The following ATAD2B variants were observed in gnomAD, a reference collection of about 807,000 sequenced individuals.
ATAD2B encodes the protein ATPase family AAA domain containing 2B, also known as ATPase family AAA domain-containing protein 2B.
Under a neutral mutation model 167.6 loss-of-function variants are expected in ATAD2B, and 40 were observed. The observed-to-expected ratio is 0.24, with a 90% CI of 0.19 to 0.31. The LOEUF (loss-of-function observed/expected upper bound fraction) is 0.31. ATAD2B is among the 10% of genes least tolerant of loss of function. The pLI is 1.00. For synonymous variants in ATAD2B, 579 were observed against 596.5 expected, an observed-to-expected ratio of 0.97 and a Z score of 0.43; for missense variants, 1,242 against 1,757.2, an observed-to-expected ratio of 0.71 and a Z score of 5.24.
At chr2:23,786,804 C>T (rs567890674) in intron 20 of ATAD2B, among the ~76,000 whole-genome samples, 6 of 152,092 alleles carry the variant, frequency 3.9e-5, no homozygotes, top group African/African-American at 7.2e-5. Flanking sequence ...ATATAACTTA[C>T]GAGAAATAGT....
Position 23,835,606 on chromosome 2 carries a change from T to C in ATAD2B, c.1569-1528A>G, listed in dbSNP as rs112465495. ...CTGTAGTGATGGTTACACAACTTTG[T>C]AAATATACTGAAAGTCACTGAACTA... On this transcript the variant is annotated intron_variant, in intron 13 of 27. Transcript: ENST00000238789. Among the ~76,000 whole-genome samples, 124 of 152,316 alleles carry C rather than the reference T, an allele frequency of 8.1e-4. 1 individual carries two copies. The highest frequency in any genetic ancestry group is 1.7e-3 in the Non-Finnish European group (117 of 68,022).
the ATAD2B span, among the ~76,000 whole-genome samples, chr2:23,737,807 A>G: frequency 6.6e-6 from 1 of 152,176 alleles, no homozygotes; most frequent in African/African-American, 2.4e-5. Context: ...TTGAAAAAAA[A>G]TTAGATGAAT....
intron 22 of ATAD2B, among the ~76,000 whole-genome samples, chr2:23,768,324 A>G (rs561017243): frequency 2.0e-5 from 3 of 152,220 alleles, no homozygotes; most frequent in Admixed American, 6.5e-5. Flanking sequence ...GCTTGAGCCC[A>G]GGAGTTTAAG....
At chr2:23,925,305 C>T (rs1232955858) in intron 1 of ATAD2B, among the ~76,000 whole-genome samples, 1 of 152,028 alleles carries the variant, frequency 6.6e-6, no homozygotes, top group Non-Finnish European at 1.5e-5. Flanking sequence ...CAAAGAAAAG[C>T]CAAAACGATT....
chr2:23,874,813 T>G (rs1369876971), intron 8 of ATAD2B, among the ~76,000 whole-genome samples: 1 of 152,122 alleles, frequency 6.6e-6, no homozygotes. Context: ...TGCCAGCACT[T>G]TGGGAGGCCA....
intron 1 of ATAD2B, among the ~76,000 whole-genome samples, chr2:23,904,535 T>C (rs1374073000): frequency 1.1e-5 from 1 of 93,652 alleles, no homozygotes; most frequent in African/African-American, 3.4e-5. Context: ...GGATTTTCCT[T>C]CCTTTTTTTT....
rs773466667 is a variant in ATAD2B at position 23,798,201 on chromosome 2, T to A, written c.2577A>T (p.Pro859=). The change falls in exon 19 of 28, where the codon CCA becomes CCT. Residue 859 remains proline, a synonymous_variant. Coordinates refer to ENST00000238789, the MANE Select transcript of ATAD2B (RefSeq NM_017552.4). ...ATFLTLLQDI[P]SFSPIFLLST... ...ACAATAAAAATATAGGTGAAAATGATGGTATATCTTGTAGCAATGTCAGAA... is the reference window on the plus strand; with the variant it reads ...ACAATAAAAATATAGGTGAAAATGAAGGTATATCTTGTAGCAATGTCAGAA... 6.2e-7 allele frequency: 1 copy of A among 1,606,606 alleles called. No individual in the cohort carries two copies. The highest frequency in any genetic ancestry group is 8.5e-7 in the Non-Finnish European group (1 of 1,174,676).
chr2:23,687,571 G>C, the ATAD2B span, among the ~76,000 whole-genome samples: 3 of 152,224 alleles, frequency 2.0e-5, no homozygotes, highest in Non-Finnish European at 4.4e-5. Flanking sequence ...ACAGTCTGGT[G>C]GGGACACGCT....
At chr2:23,780,040 T>C (rs1679759731) in intron 22 of ATAD2B, among the ~76,000 whole-genome samples, 1 of 151,840 alleles carries the variant, frequency 6.6e-6, no homozygotes, top group Non-Finnish European at 1.5e-5. Flanking sequence ...AACCCAGGAG[T>C]TTGAGACCAG....
At chr2:23,870,285 C>CTTTT (rs5829912) in intron 8 of ATAD2B, among the ~76,000 whole-genome samples, 7 of 105,644 alleles carry the variant, frequency 6.6e-5, no homozygotes, top group Admixed American at 1.3e-4. Context: ...CAGTAACCAA[C>CTTTT]TTTTTTTTTT....
intron 25 of ATAD2B, among the ~76,000 whole-genome samples, chr2:23,755,278 T>C (rs1361342471): frequency 6.6e-6 from 1 of 152,174 alleles, no homozygotes; most frequent in African/African-American, 2.4e-5. Context: ...TATTAGAAAT[T>C]GATTCAGAGT....
chr2:23,746,486 A>T (rs1294297757), downstream of ATAD2B, among the ~76,000 whole-genome samples: 3 of 152,244 alleles, frequency 2.0e-5, no homozygotes, highest in Non-Finnish European at 4.4e-5. Context: ...GACAGACACA[A>T]TGTCTTGCTC....
chr2:23,868,311 G>A (rs973493863), intron 9 of ATAD2B, among the ~76,000 whole-genome samples: 1 of 152,150 alleles, frequency 6.6e-6, no homozygotes, highest in Non-Finnish European at 1.5e-5. Context: ...GCTACTGATT[G>A]ATTGATTGAG....
At position 23,810,515 on chromosome 2, in the gene ATAD2B, T is replaced by G; in HGVS notation, c.2268-13A>C. Reference sequence around the variant, plus strand: ...ATGATATGGTGACCTGTAATACATGTAAGACATAATTATTTCAAAGGCATA... The same window carrying G: ...ATGATATGGTGACCTGTAATACATGGAAGACATAATTATTTCAAAGGCATA... On this transcript the variant is annotated splice_polypyrimidine_tract_variant and intron_variant, in intron 17 of 27. Transcript: ENST00000238789. The G allele has an allele frequency of 6.3e-7, 1 of 1,599,402 alleles. No individual in the cohort carries two copies. The highest frequency in any genetic ancestry group is 1.1e-5 in the South Asian group (1 of 90,148).
chr2:23,794,581 A>G lies in ATAD2B; in HGVS notation c.2640+3557T>C, dbSNP rs1682308924. On this transcript the variant is annotated intron_variant, in intron 19 of 27. Coordinates refer to ENST00000238789, the MANE Select transcript of ATAD2B (RefSeq NM_017552.4). The stretch of plus-strand genomic sequence containing the variant: ...CCAAACTTTTTTGATCAAACACCTC[A>G]TCAGTAAAAAATCTGAAAATATTCT... Among the ~76,000 whole-genome samples the G allele has an allele frequency of 2.6e-5, 4 of 152,250 alleles. No homozygotes were observed. In the South Asian group the frequency reaches 8.3e-4, roughly 32 times the overall value.
At chr2:23,687,510 C>T in the ATAD2B span, among the ~76,000 whole-genome samples, 1 of 152,228 alleles carries the variant, frequency 6.6e-6, no homozygotes, top group Non-Finnish European at 1.5e-5. Flanking sequence ...TCAGCAAACA[C>T]ACAGGAGCCC....
At chr2:23,918,270 C>G (rs1409621056) in intron 1 of ATAD2B, among the ~76,000 whole-genome samples, 1 of 150,922 alleles carries the variant, frequency 6.6e-6, no homozygotes, top group Non-Finnish European at 1.5e-5. Flanking sequence ...TACTCAGAGG[C>G]TGTGATGGGA....
intron 12 of ATAD2B, 83 bp downstream of exon 12, chr2:23,863,298 G>A (rs1694694714): frequency 1.5e-6 from 2 of 1,356,984 alleles, no homozygotes; most frequent in Admixed American, 2.6e-5. Flanking sequence ...GGGTAACAGA[G>A]AGAGGCCCTG....
At chr2:23,896,153 CAAA>C (rs1158562523) in intron 1 of ATAD2B, among the ~76,000 whole-genome samples, 183 bp from the exon 2 acceptor site, 7 of 125,578 alleles carry the variant, frequency 5.6e-5, no homozygotes, top group Non-Finnish European at 5.1e-5. Flanking sequence ...CCGCCTCTAC[CAAA>C]AAAAAAAAAA....
Sources: gnomAD v4.1 joint callset for allele counts (sites outside exome capture counted in the v4.1 genomes callset) on GRCh38, gnomAD v4.1.1 for gene constraint, MANE v1.5 for transcripts, NCBI Gene and HGNC (gene_info 2026-07-23, HGNC 2026-07-21) for gene names.